VPS53: variants seen among roughly 807,000 people sequenced by gnomAD.
VPS53 encodes the protein vacuolar protein sorting-associated protein 53 homolog.
Under a neutral mutation model 107.0 loss-of-function variants are expected in VPS53, and 70 were observed. That is an observed-to-expected ratio of 0.65 (90% CI 0.54 to 0.80). The LOEUF is 0.80. Among genes scored for constraint, VPS53 ranks in the 30% least tolerant of loss-of-function variants. The probability of loss-of-function intolerance (pLI) is 0.00; values close to 1 mark genes in which losing one functional copy is unlikely to be tolerated. For synonymous variants in VPS53, 409 were observed against 393.3 expected, an observed-to-expected ratio of 1.04 and a Z score of -0.47; for missense variants, 917 against 1,049.4, an observed-to-expected ratio of 0.87 and a Z score of 1.74.
At chr17:579,079 A>AC (rs1344269194) in intron 13 of VPS53, among the ~76,000 whole-genome samples, 2 of 139,444 alleles carry the variant, frequency 1.4e-5, no homozygotes, top group South Asian at 4.8e-4. Context: ...TCAGTGCATT[A>AC]CCAGAGAACC....
Position 581,957 on chromosome 17 carries a change from T to A in VPS53, c.1313+4313A>T, listed in dbSNP as rs375262426. Among the ~76,000 whole-genome samples, 4 of 148,092 alleles carry A rather than the reference T, an allele frequency of 2.7e-5. No homozygotes were observed. In the East Asian group the frequency reaches 6.2e-4, roughly 23 times the overall value. On this transcript the variant is annotated intron_variant, in intron 13 of 21. Transcript: ENST00000437048. Reference sequence around the variant, plus strand: ...TCAATGTGTTCCCAGAGACCCTCCCTCAGAACCTAATGTGTTCCCAGAGAA... The same window carrying A: ...TCAATGTGTTCCCAGAGACCCTCCCACAGAACCTAATGTGTTCCCAGAGAA...
At chr17:621,010 A>G (rs9902798) in intron 11 of VPS53, among the ~76,000 whole-genome samples, 36,221 of 152,084 alleles carry the variant, frequency 0.24, 4,525 homozygotes, top group Admixed American at 0.33. Context: ...AAGTACACAC[A>G]AAGTATGTAA....
intron 17 of VPS53, among the ~76,000 whole-genome samples, chr17:551,241 G>A (rs1911791777): frequency 6.6e-6 from 1 of 151,626 alleles, no homozygotes; most frequent in East Asian, 1.9e-4. Context: ...AGGAACATGA[G>A]AGGAACATGA....
intron 13 of VPS53, among the ~76,000 whole-genome samples, chr17:574,135 C>T (rs1373936944): frequency 6.6e-6 from 1 of 152,170 alleles, no homozygotes; most frequent in Non-Finnish European, 1.5e-5. Flanking sequence ...GTTCTTTGAA[C>T]TCTATTTTCT....
At position 631,049 on chromosome 17, in the gene VPS53, AAC is replaced by A. The variant is rs527984252; in HGVS notation, c.687+499_687+500del. 5.8e-4 allele frequency among the ~76,000 whole-genome samples: 89 copies of A among 152,162 alleles called. No individual in the cohort carries two copies. In the South Asian group the frequency reaches 7.5e-3, roughly 13 times the overall value. On this transcript the variant is annotated intron_variant, in intron 8 of 21. Coordinates refer to ENST00000437048, the MANE Select transcript of VPS53 (RefSeq NM_001128159.3). ...CTGTGGGCTTTGCAGACACAACACA[AAC>A]AGCTCTGCTACCAGAGAGAGCTCAA...
intron 4 of VPS53, among the ~76,000 whole-genome samples, chr17:683,191 T>TTC (rs1423721120): frequency 9.2e-5 from 14 of 152,096 alleles, no homozygotes; most frequent in African/African-American, 3.4e-4. Flanking sequence ...GTAAGTAGAA[T>TTC]TCTAGGAGGA....
At chr17:637,149 G>A (rs1462512573) in intron 7 of VPS53, among the ~76,000 whole-genome samples, 1 of 152,042 alleles carries the variant, frequency 6.6e-6, no homozygotes, top group South Asian at 2.1e-4. Context: ...GTCTTGGGAG[G>A]GTGTATGTGT....
chr17:578,794 GA>G (rs1914893619), intron 13 of VPS53, among the ~76,000 whole-genome samples: 1 of 150,316 alleles, frequency 6.7e-6, no homozygotes, highest in South Asian at 2.1e-4. Context: ...CGTTCCTAGA[GA>G]ACCCCCAACA....
At chr17:703,779 T>G (rs1231858555) in intron 2 of VPS53, among the ~76,000 whole-genome samples, 1 of 151,774 alleles carries the variant, frequency 6.6e-6, no homozygotes, top group Non-Finnish European at 1.5e-5. Context: ...AAAAATAAAC[T>G]GGGATGATAA....
chr17:631,920 G>A (rs1223277957), intron 7 of VPS53, among the ~76,000 whole-genome samples: 1 of 152,044 alleles, frequency 6.6e-6, no homozygotes, highest in Non-Finnish European at 1.5e-5. Flanking sequence ...GGATAGTCAT[G>A]CTGTGGGAAA....
chr17:554,199 T>C, intron 15 of VPS53, among the ~76,000 whole-genome samples: 1 of 152,112 alleles, frequency 6.6e-6, no homozygotes, highest in East Asian at 1.9e-4. Flanking sequence ...AGCACCTCAT[T>C]AAGGCATTGG....
rs184210486 is a variant in VPS53 at position 579,641 on chromosome 17, C to T, written c.1313+6629G>A. On this transcript the variant is annotated intron_variant, in intron 13 of 21. Transcript: ENST00000437048. ...CCTAATGCATTCCGAGAGAACTTCCCTCAGAACCTAATTCCTTCCCAGAGA... is the reference window on the plus strand; with the variant it reads ...CCTAATGCATTCCGAGAGAACTTCCTTCAGAACCTAATTCCTTCCCAGAGA... Among the ~76,000 whole-genome samples the T allele has an allele frequency of 1.4e-4, 21 of 151,766 alleles. No homozygotes were observed. The East Asian group carries it at 4.1e-3, about 30-fold the overall frequency.
At chr17:528,178 A>T (rs994618491) in intron 19 of VPS53, among the ~76,000 whole-genome samples, 1 of 152,208 alleles carries the variant, frequency 6.6e-6, no homozygotes, top group Admixed American at 6.5e-5. Flanking sequence ...ACAAGGTTGT[A>T]CAGCTGTCAG....
intron 11 of VPS53, chr17:616,589 C>A (rs948514114): frequency 6.6e-6 from 1 of 152,302 alleles, no homozygotes; most frequent in African/African-American, 2.4e-5. Flanking sequence ...TGGCCCTGGC[C>A]GAGTGAGTTC....
In VPS53 at chr17:515,955, GCTTT is replaced by G. The variant is rs79413199; in HGVS notation, c.*3169_*3172del. 1 of 99,320 alleles carries G rather than the reference GCTTT, an allele frequency of 1.0e-5. No individual in the cohort carries two copies. Among genetic ancestry groups the G allele is most frequent in the South Asian group, 2.9e-4 (1 of 3,466 alleles). The allele number at this position is 99,320 out of a possible 1,614,324, so 6.2% of individuals were successfully genotyped here. A position where few individuals can be genotyped will look rare whatever the true frequency, so the allele number is the denominator to read the frequency against. ...GATTACAGGCACCCGCCACCTGCCTGCTTTTTTTTTTTTTTTTTTTGTATTTTTA... is the reference window on the plus strand; with the variant it reads ...GATTACAGGCACCCGCCACCTGCCTGTTTTTTTTTTTTTTTTGTATTTTTA... On this transcript the variant is annotated 3_prime_UTR_variant, in exon 22 of 22. Transcript: ENST00000437048.
intron 12 of VPS53, chr17:600,043 TTC>T (rs1968254859): frequency 3.3e-5 from 5 of 152,204 alleles, no homozygotes; most frequent in Admixed American, 6.5e-5. Context: ...GATGTCAGTG[TTC>T]TGTGTTCTTA....
At position 517,237 on chromosome 17, in the gene VPS53, G is replaced by A. The variant is rs543602837; in HGVS notation, c.*1891C>T. ...CAACTGAAGGCCGCATCTCCTTCTCGCAACACTTCTTTTCTCCTCCGCATT... is the reference window on the plus strand; with the variant it reads ...CAACTGAAGGCCGCATCTCCTTCTCACAACACTTCTTTTCTCCTCCGCATT... On this transcript the variant is annotated 3_prime_UTR_variant, in exon 22 of 22. Transcript: ENST00000437048. The A allele has an allele frequency of 2.3e-4, 90 of 386,036 alleles. No homozygotes were observed. The highest frequency in any genetic ancestry group is 2.7e-4 in the Non-Finnish European group (60 of 218,802). 23.9% of individuals were successfully genotyped at this position (386,036 alleles called of 1,614,324 possible).
intron 10 of VPS53, among the ~76,000 whole-genome samples, chr17:624,402 G>C (rs1407133671): frequency 6.6e-6 from 1 of 152,154 alleles, no homozygotes; most frequent in African/African-American, 2.4e-5. Flanking sequence ...AGCACGCTTA[G>C]CTGGTCCCTG....
intron 4 of VPS53, among the ~76,000 whole-genome samples, chr17:666,976 C>T (rs1971717700): frequency 6.6e-6 from 1 of 152,126 alleles, no homozygotes; most frequent in Admixed American, 6.5e-5. Context: ...TTGTTGGTGA[C>T]CTTGACAAGA....
Sources: gnomAD v4.1 joint callset for allele counts (sites outside exome capture counted in the v4.1 genomes callset) on GRCh38, gnomAD v4.1.1 for gene constraint, MANE v1.5 for transcripts, NCBI Gene and HGNC (gene_info 2026-07-23, HGNC 2026-07-21) for gene names.